The following ADAMTS6 variants were observed in gnomAD, a reference collection of about 807,000 sequenced individuals.
ADAMTS6 encodes ADAM metallopeptidase with thrombospondin type 1 motif 6, also known as A disintegrin and metalloproteinase with thrombospondin motifs 6.
ADAMTS6 carries 23 observed loss-of-function variants against 144.3 expected under a neutral mutation model. The ratio of observed to expected loss-of-function variants is 0.16; its 90% CI spans 0.11 to 0.23. ADAMTS6 has a LOEUF of 0.23. Among genes scored for constraint, ADAMTS6 ranks in the 10% least tolerant of loss-of-function variants. ADAMTS6 has a pLI of 1.00. For synonymous variants in ADAMTS6, 444 were observed against 457.5 expected, an observed-to-expected ratio of 0.97 and a Z score of 0.38; for missense variants, 999 against 1,379.6, an observed-to-expected ratio of 0.72 and a Z score of 4.37.
chr5:65,464,691 A>G (rs528423965), intron 3 of ADAMTS6, among the ~76,000 whole-genome samples: 141 of 152,154 alleles, frequency 9.3e-4, no homozygotes, highest in Non-Finnish European at 1.7e-3. Flanking sequence ...TCTCCTTCAA[A>G]TATCTTGTCC....
chr5:65,479,777 G>A lies in ADAMTS6; in HGVS notation c.-280+1566C>T, dbSNP rs112359925. Among the ~76,000 whole-genome samples the A allele has an allele frequency of 1.1e-4, 17 of 152,278 alleles. 2 individuals carry two copies. The highest frequency in any genetic ancestry group is 4.1e-4 in the African/African-American group (17 of 41,546). On this transcript the variant is annotated intron_variant, in intron 1 of 24. Transcript: ENST00000381055. Reference sequence around the variant, plus strand: ...AGTAGGAATTAATCTTACAGGTATTGGGACCAGACATAAGGAGTATTACAG... The same window carrying A: ...AGTAGGAATTAATCTTACAGGTATTAGGACCAGACATAAGGAGTATTACAG...
intron 9 of ADAMTS6, among the ~76,000 whole-genome samples, chr5:65,304,632 AT>A (rs770657630): frequency 3.3e-5 from 5 of 152,080 alleles, no homozygotes; most frequent in Non-Finnish European, 5.9e-5. Flanking sequence ...GGATCTCTCT[AT>A]GTTACCCAGG....
intron 4 of ADAMTS6, 92 bp downstream of exon 4, chr5:65,460,078 C>T: frequency 4.4e-6 from 6 of 1,377,760 alleles, no homozygotes; most frequent in Non-Finnish European, 5.8e-6. Flanking sequence ...ACTCCTACTT[C>T]CTTTTATTGC....
Position 65,452,083 on chromosome 5 carries a change from C to G in ADAMTS6, c.927+50G>C, listed in dbSNP as rs200561834. The stretch of plus-strand genomic sequence containing the variant: ...TTTAATAATAAGTAATTCTATAGCT[C>G]TATAGCCTTCTGTTAACAATCTTAG... On this transcript the variant is annotated intron_variant, in intron 6 of 24. Coordinates refer to ENST00000381055, the MANE Select transcript of ADAMTS6 (RefSeq NM_197941.4). 8.8e-4 allele frequency: 1,188 copies of G among 1,350,224 alleles called. 6 individuals carry two copies. The African/African-American group carries it at 0.023, about 27-fold the overall frequency. 83.6% of individuals were successfully genotyped at this position (1,350,224 alleles called of 1,614,324 possible). A position where few individuals can be genotyped will look rare whatever the true frequency, so the allele number is the denominator to read the frequency against.
chr5:65,338,241 TCATAGGGAATCTA>T (rs1747490502), intron 7 of ADAMTS6, among the ~76,000 whole-genome samples: 1 of 152,212 alleles, frequency 6.6e-6, no homozygotes, highest in South Asian at 2.1e-4. Flanking sequence ...AGAAAGTTGG[TCATAGGGAATCTA>T]CATAAAGCCC....
At chr5:65,381,923 T>C (rs1752081644) in intron 7 of ADAMTS6, among the ~76,000 whole-genome samples, 1 of 152,190 alleles carries the variant, frequency 6.6e-6, no homozygotes, top group South Asian at 2.1e-4. Context: ...CAAATTAGTA[T>C]TTGTGGAATG....
At chr5:65,194,547 C>T (rs1049388682) in intron 21 of ADAMTS6, among the ~76,000 whole-genome samples, 1 of 152,156 alleles carries the variant, frequency 6.6e-6, no homozygotes, top group Non-Finnish European at 1.5e-5. Context: ...ATAGGTTTAT[C>T]AGGATGTAAT....
In ADAMTS6 at chr5:65,150,171, A is replaced by C. The variant is rs2111923564; in HGVS notation, c.*1665T>G. ...AATTTAAGAGCACCATGATGGAATC[A>C]AGTCAAACATGCTGTTTAACTGAAA... On this transcript the variant is annotated 3_prime_UTR_variant, in exon 25 of 25. Coordinates refer to ENST00000381055, the MANE Select transcript of ADAMTS6 (RefSeq NM_197941.4). 1 of 152,684 alleles carries C rather than the reference A, an allele frequency of 6.5e-6. No individual in the cohort carries two copies. The highest frequency in any genetic ancestry group is 6.5e-5 in the Admixed American group (1 of 15,308). The allele number at this position is 152,684 out of a possible 1,614,324, so 9.5% of individuals were successfully genotyped here.
At chr5:65,328,161 C>A (rs903148901) in intron 9 of ADAMTS6, among the ~76,000 whole-genome samples, 1 of 151,926 alleles carries the variant, frequency 6.6e-6, no homozygotes, top group Non-Finnish European at 1.5e-5. Flanking sequence ...TAAATTTACA[C>A]CTAAATCATA....
intron 3 of ADAMTS6, among the ~76,000 whole-genome samples, chr5:65,468,396 G>A (rs1760184703): frequency 6.8e-6 from 1 of 146,806 alleles, no homozygotes; most frequent in Admixed American, 6.9e-5. Flanking sequence ...CCAAGATCAC[G>A]CCACTGCACT....
In ADAMTS6 at chr5:65,334,147, T is replaced by G. The variant is rs564798484; in HGVS notation, c.1074-62A>C. The G allele has an allele frequency of 7.6e-6, 11 of 1,455,456 alleles. 1 individual carries two copies. The South Asian group carries it at 1.4e-4, about 18-fold the overall frequency. The allele number at this position is 1,455,456 out of a possible 1,614,324, so 90.2% of individuals were successfully genotyped here. On this transcript the variant is annotated intron_variant, in intron 7 of 24. Coordinates refer to ENST00000381055, the MANE Select transcript of ADAMTS6 (RefSeq NM_197941.4). ...CAGATTTGTAACATATTTTTCTATA[T>G]TCATCATACTTCTCTCCTGAAGTTG... is the stretch of plus-strand genomic sequence containing the variant.
chr5:65,423,867 G>C (rs1052864823), intron 7 of ADAMTS6, among the ~76,000 whole-genome samples: 3 of 151,784 alleles, frequency 2.0e-5, no homozygotes, highest in Non-Finnish European at 2.9e-5. Context: ...CCCATTCTTT[G>C]GAACCATTTC....
chr5:65,263,112 C>CAGATAGTTCTCTA (rs1761336059), intron 12 of ADAMTS6, 150 bp from the exon 13 acceptor site: 1 of 1,004,328 alleles, frequency 1.0e-6, no homozygotes, highest in East Asian at 2.7e-5. Context: ...TGTGTTTAGA[C>CAGATAGTTCTCTA]ACTGGTGAAT....
chr5:65,275,353 GAGAAAGAAAGAAAGAAAGAA>G (rs71693940), intron 11 of ADAMTS6, among the ~76,000 whole-genome samples: 2,413 of 87,164 alleles, frequency 0.028, 30 homozygotes, highest in South Asian at 0.032. Context: ...AAAGAAAGAA[GAGAAAGAAAGAAAGAAAGAA>G]AGAAAGAAAG....
intron 7 of ADAMTS6, among the ~76,000 whole-genome samples, chr5:65,348,113 C>A (rs963287837): frequency 6.6e-6 from 1 of 151,856 alleles, no homozygotes; most frequent in Non-Finnish European, 1.5e-5. Flanking sequence ...TGTGGAGGAC[C>A]CTCCAAATTT....
intron 7 of ADAMTS6, among the ~76,000 whole-genome samples, chr5:65,352,526 A>T (rs980407639): frequency 2.3e-4 from 35 of 152,124 alleles, no homozygotes; most frequent in Non-Finnish European, 4.4e-4. Context: ...GTAAAAAAAA[A>T]TTTTAACAAA....
intron 7 of ADAMTS6, among the ~76,000 whole-genome samples, chr5:65,442,981 C>A (rs1357210407): frequency 6.6e-6 from 1 of 152,186 alleles, no homozygotes. Flanking sequence ...CTTCCAATTT[C>A]ATCCATGTCC....
chr5:65,367,705 C>A (rs1452502105), intron 7 of ADAMTS6, among the ~76,000 whole-genome samples: 1 of 152,086 alleles, frequency 6.6e-6, no homozygotes, highest in Non-Finnish European at 1.5e-5. Flanking sequence ...TCCAACTTCT[C>A]CTTTTGTCCA....
chr5:65,181,304 T>C (rs1224231578), intron 22 of ADAMTS6, among the ~76,000 whole-genome samples: 1 of 152,234 alleles, frequency 6.6e-6, no homozygotes, highest in African/African-American at 2.4e-5. Context: ...TTTCTATCTC[T>C]TGAACTTGTT....
Sources: gnomAD v4.1 joint callset for allele counts (sites outside exome capture counted in the v4.1 genomes callset) on GRCh38, gnomAD v4.1.1 for gene constraint, MANE v1.5 for transcripts, NCBI Gene and HGNC (gene_info 2026-07-23, HGNC 2026-07-21) for gene names.